The following RNMT variants were observed in gnomAD, a reference collection of about 807,000 sequenced individuals.
RNMT encodes the protein mRNA cap guanine-N(7) methyltransferase.
In RNMT, 27 loss-of-function variants were observed where a neutral mutation model predicts 56.0. That is an observed-to-expected ratio of 0.48 (90% CI 0.36 to 0.67). The LOEUF (loss-of-function observed/expected upper bound fraction) is 0.67, where lower values mean the gene tolerates loss of function less well. RNMT is among the 30% of genes least tolerant of loss of function. The pLI is 0.00. For synonymous variants in RNMT, 184 were observed against 176.2 expected (o/e 1.04, Z -0.35); for missense variants, 519 against 552.1 (o/e 0.94, Z 0.60).
At chr18:13,758,181 G>A (rs936714896) in intron 11 of RNMT, among the ~76,000 whole-genome samples, 2 of 152,258 alleles carry the variant, frequency 1.3e-5, no homozygotes, top group East Asian at 3.9e-4. Context: ...TAAGGGCCTC[G>A]GGATTTTTGG....
In RNMT at chr18:13,761,580, G is replaced by A. The variant is rs1026615673; in HGVS notation, c.*1601G>A. On this transcript the variant is annotated 3_prime_UTR_variant, in exon 12 of 12. Coordinates refer to ENST00000383314, the MANE Select transcript of RNMT (RefSeq NM_003799.3). ...CACGCCATGGGTAACTTGGGGGAGA[G>A]AAGAATCCTCCAAACGATGGAGTAG... 1.7e-4 allele frequency: 165 copies of A among 992,478 alleles called. No homozygotes were observed. The Middle Eastern group carries it at 3.1e-3, about 19-fold the overall frequency. 61.5% of individuals were successfully genotyped at this position (992,478 alleles called of 1,614,324 possible).
intron 10 of RNMT, among the ~76,000 whole-genome samples, chr18:13,753,857 C>T (rs1390808915): frequency 1.8e-5 from 2 of 113,496 alleles, no homozygotes; most frequent in Non-Finnish European, 3.9e-5. Flanking sequence ...ACACAATGCC[C>T]TCTTCACACA....
At chr18:13,735,814 C>G (rs553624565) in intron 4 of RNMT, among the ~76,000 whole-genome samples, 162 of 152,078 alleles carry the variant, frequency 1.1e-3, no homozygotes, top group African/African-American at 3.8e-3. Flanking sequence ...GTATTCTTTC[C>G]TTTTTCAGCT....
intron 11 of RNMT, among the ~76,000 whole-genome samples, chr18:13,754,562 C>T (rs1414237267): frequency 1.3e-5 from 2 of 152,210 alleles, no homozygotes; most frequent in African/African-American, 4.8e-5. Context: ...TGTGTTTACA[C>T]ACACACACAA....
intron 9 of RNMT, among the ~76,000 whole-genome samples, chr18:13,750,484 A>G (rs1023930671): frequency 2.0e-5 from 3 of 152,102 alleles, no homozygotes; most frequent in Non-Finnish European, 4.4e-5. Context: ...TTCAGCTGTG[A>G]ATATCCTAAG....
rs1385734963 is a variant in RNMT at position 13,760,124 on chromosome 18, A to T, written c.*145A>T. ...GCCAGAAACTCCAATGTAGAAATTC[A>T]ACATTTGCTGTCTGTGACAGATGAA... On this transcript the variant is annotated 3_prime_UTR_variant, in exon 12 of 12. Coordinates refer to ENST00000383314, the MANE Select transcript of RNMT (RefSeq NM_003799.3). The T allele has an allele frequency of 7.2e-6, 10 of 1,394,768 alleles. No homozygotes were observed. Among genetic ancestry groups the T allele is most frequent in the Non-Finnish European group, 8.4e-6 (9 of 1,071,350 alleles). The allele number at this position is 1,394,768 out of a possible 1,614,324, so 86.4% of individuals were successfully genotyped here. A position where few individuals can be genotyped will look rare whatever the true frequency, so the allele number is the denominator to read the frequency against.
chr18:13,750,779 A>G (rs2044429615), intron 9 of RNMT, among the ~76,000 whole-genome samples: 1 of 151,936 alleles, frequency 6.6e-6, no homozygotes, highest in South Asian at 2.1e-4. Context: ...ACAGCCTGGG[A>G]GACAGAGCAA....
intron 11 of RNMT, among the ~76,000 whole-genome samples, chr18:13,758,368 A>G (rs1008384536): frequency 3.9e-5 from 6 of 152,222 alleles, no homozygotes. Context: ...GATCTTATTT[A>G]GTGTAGCCAC....
intron 1 of RNMT, among the ~76,000 whole-genome samples, chr18:13,729,015 T>A (rs2044024257): frequency 6.6e-6 from 1 of 152,218 alleles, no homozygotes; most frequent in Non-Finnish European, 1.5e-5. Flanking sequence ...TTGTTGCCTG[T>A]GCTTTTGAGG....
At chr18:13,758,668 G>A (rs1267737275) in intron 11 of RNMT, among the ~76,000 whole-genome samples, 1 of 152,120 alleles carries the variant, frequency 6.6e-6, no homozygotes, top group Non-Finnish European at 1.5e-5. Context: ...TCAGCAGTAA[G>A]GCTGTTTGCT....
intron 4 of RNMT, among the ~76,000 whole-genome samples, chr18:13,736,730 A>G (rs1225466666): frequency 6.6e-6 from 1 of 152,146 alleles, no homozygotes; most frequent in Non-Finnish European, 1.5e-5. Context: ...AGAATTTTAA[A>G]TATCTGCTAT....
chr18:13,747,529 AT>A (rs959915347), intron 9 of RNMT, among the ~76,000 whole-genome samples: 10 of 152,040 alleles, frequency 6.6e-5, no homozygotes, highest in Admixed American at 1.3e-4. Flanking sequence ...CAGTTTTCAC[AT>A]TTTTTTAGTG....
Position 13,760,843 on chromosome 18 carries a change from C to G in RNMT, c.*864C>G. On this transcript the variant is annotated 3_prime_UTR_variant, in exon 12 of 12. Transcript: ENST00000383314. ...ACCATCTGATGCCATGTACCCACTTCAGAAATAAGCAATACTTGTTCCTCT... is the reference window on the plus strand; with the variant it reads ...ACCATCTGATGCCATGTACCCACTTGAGAAATAAGCAATACTTGTTCCTCT... The G allele has an allele frequency of 1.0e-6, 1 of 985,448 alleles. No individual in the cohort carries two copies. Among genetic ancestry groups the G allele is most frequent in the Non-Finnish European group, 1.2e-6 (1 of 829,940 alleles). 61.0% of individuals were successfully genotyped at this position (985,448 alleles called of 1,614,324 possible). A position where few individuals can be genotyped will look rare whatever the true frequency, so the allele number is the denominator to read the frequency against.
At chr18:13,730,257 A>G (rs558112749) in intron 1 of RNMT, among the ~76,000 whole-genome samples, 2 of 152,326 alleles carry the variant, frequency 1.3e-5, no homozygotes, top group Non-Finnish European at 2.9e-5. Context: ...TCGCTTTCCC[A>G]TCTTAATGTA....
chr18:13,750,262 G>C (rs189821772), intron 9 of RNMT, among the ~76,000 whole-genome samples: 1 of 152,162 alleles, frequency 6.6e-6, no homozygotes, highest in East Asian at 1.9e-4. Flanking sequence ...ATTAAACAGC[G>C]TTCTATGTTG....
rs907344597 is a variant in RNMT, at chr18:13,760,425, G to T, written c.*446G>T. ...ATATAGCATTTTTCAACATTTAATG[G>T]TCTGTACAGTTGAATGTAAGTGTTC... On this transcript the variant is annotated 3_prime_UTR_variant, in exon 12 of 12. Coordinates refer to ENST00000383314, the MANE Select transcript of RNMT (RefSeq NM_003799.3). 1.8e-5 allele frequency: 18 copies of T among 987,494 alleles called. No individual in the cohort carries two copies. The highest frequency in any genetic ancestry group is 2.2e-5 in the Non-Finnish European group (18 of 830,982). 61.2% of individuals were successfully genotyped at this position (987,494 alleles called of 1,614,324 possible).
rs940472120 is a variant in RNMT, at chr18:13,761,340, G to A, written c.*1361G>A. 3 of 985,424 alleles carry A rather than the reference G, an allele frequency of 3.0e-6. No homozygotes were observed. Among genetic ancestry groups the A allele is most frequent in the African/African-American group, 1.7e-5 (1 of 57,362 alleles). 61.0% of individuals were successfully genotyped at this position (985,424 alleles called of 1,614,324 possible). On this transcript the variant is annotated 3_prime_UTR_variant, in exon 12 of 12. Coordinates refer to ENST00000383314, the MANE Select transcript of RNMT (RefSeq NM_003799.3). ...GCATCTGACTCTGGTGGCTGTATTA[G>A]CTAGGAAAGGTTTGTAAATGGTGTC...
rs956835590 is a variant in RNMT, at chr18:13,764,121, A to T, written c.*4142A>T. 5 of 152,230 alleles carry T rather than the reference A, an allele frequency of 3.3e-5. No individual in the cohort carries two copies. The highest frequency in any genetic ancestry group is 9.6e-5 in the African/African-American group (4 of 41,458). The allele number at this position is 152,230 out of a possible 1,614,324, so 9.4% of individuals were successfully genotyped here. On this transcript the variant is annotated 3_prime_UTR_variant, in exon 12 of 12. Coordinates refer to ENST00000383314, the MANE Select transcript of RNMT (RefSeq NM_003799.3). Reference sequence around the variant, plus strand: ...CATTTGCAAGTGGCAGGAGCTGAGAATGCCAGTACGAGAGTGTAGCCAAAG... The same window carrying T: ...CATTTGCAAGTGGCAGGAGCTGAGATTGCCAGTACGAGAGTGTAGCCAAAG...
rs1383659214 is a variant in RNMT, at chr18:13,760,701, C to T, written c.*722C>T. The T allele has an allele frequency of 2.0e-6, 2 of 985,156 alleles. No homozygotes were observed. Among genetic ancestry groups the T allele is most frequent in the African/African-American group, 3.5e-5 (2 of 57,254 alleles). The allele number at this position is 985,156 out of a possible 1,614,324, so 61.0% of individuals were successfully genotyped here. On this transcript the variant is annotated 3_prime_UTR_variant, in exon 12 of 12. Transcript: ENST00000383314. ...GTGATTAGACACATTTACCTTTCTT[C>T]ATTGAACAAATGGTGCCATAGTTAT...
Sources: gnomAD v4.1 joint callset for allele counts (sites outside exome capture counted in the v4.1 genomes callset) on GRCh38, gnomAD v4.1.1 for gene constraint, MANE v1.5 for transcripts, NCBI Gene and HGNC (gene_info 2026-07-23, HGNC 2026-07-21) for gene names.